Variants in IMMP2L observed in about 807,000 individuals in gnomAD.
IMMP2L encodes the protein inner mitochondrial membrane peptidase subunit 2.
In IMMP2L, 18 loss-of-function variants were observed where a neutral mutation model predicts 19.3. That is an observed-to-expected ratio of 0.93 (90% CI 0.64 to 1.38). The LOEUF is 1.38. Among genes scored for constraint, IMMP2L ranks in the 40% most tolerant of loss-of-function variants. The pLI, the probability that IMMP2L is intolerant of heterozygous loss-of-function variation, is 0.00. For synonymous variants in IMMP2L, 76 were observed against 73.0 expected (o/e 1.04, Z -0.21); for missense variants, 233 against 218.2 (o/e 1.07, Z -0.43).
Position 110,881,283 on chromosome 7 carries a change from T to C in IMMP2L, c.408+5310A>G, listed in dbSNP as rs144974996. ...AAGTGGCTTTGATCTTTTTATGAGA[T>C]GTATGCCTTTGTCTATACCAGTCAA... On this transcript the variant is annotated intron_variant, in intron 5 of 5. Coordinates refer to ENST00000405709, the MANE Select transcript of IMMP2L (RefSeq NM_032549.4). Among the ~76,000 whole-genome samples, 14 of 152,286 alleles carry C rather than the reference T, an allele frequency of 9.2e-5. No individual in the cohort carries two copies. In the East Asian group the frequency reaches 2.7e-3, roughly 29 times the overall value.
At chr7:110,815,427 C>CT (rs1237017620) in intron 5 of IMMP2L, among the ~76,000 whole-genome samples, 3 of 152,006 alleles carry the variant, frequency 2.0e-5, no homozygotes, top group Admixed American at 6.6e-5. Flanking sequence ...CTAAAATTCT[C>CT]TTTTTTGGTT....
chr7:111,448,633 A>G (rs1838783696), intron 3 of IMMP2L, among the ~76,000 whole-genome samples: 4 of 102,074 alleles, frequency 3.9e-5, no homozygotes, highest in African/African-American at 1.2e-4. Flanking sequence ...ACACCCTAAC[A>G]TCACAATTAA....
chr7:111,307,227 T>C (rs1822982666), intron 3 of IMMP2L, among the ~76,000 whole-genome samples: 2 of 151,764 alleles, frequency 1.3e-5, no homozygotes, highest in Non-Finnish European at 2.9e-5. Context: ...TTTTCTTATA[T>C]ATTTGCTCTA....
At chr7:111,238,203 CA>C (rs1562957737) in intron 3 of IMMP2L, among the ~76,000 whole-genome samples, 2 of 151,890 alleles carry the variant, frequency 1.3e-5, no homozygotes, top group Non-Finnish European at 2.9e-5. Context: ...AATCAGAAAA[CA>C]ATCCTGTACC....
At chr7:110,909,715 C>A (rs1585227355) in intron 4 of IMMP2L, among the ~76,000 whole-genome samples, 1 of 152,244 alleles carries the variant, frequency 6.6e-6, no homozygotes, top group East Asian at 1.9e-4. Context: ...TATCCAACAA[C>A]AACCGTCTCC....
At position 111,513,303 on chromosome 7, in the gene IMMP2L, C is replaced by T. The variant is rs183842593; in HGVS notation, c.135+8010G>A. ...CTTGATTTTAAAATAGGAAAAAGAC[C>T]TGTATAGAGAATTCTCAAGACATAC... On this transcript the variant is annotated intron_variant, in intron 2 of 5. Coordinates refer to ENST00000405709, the MANE Select transcript of IMMP2L (RefSeq NM_032549.4). Among the ~76,000 whole-genome samples the T allele has an allele frequency of 1.1e-4, 16 of 152,148 alleles. No individual in the cohort carries two copies. The East Asian group carries it at 2.9e-3, about 28-fold the overall frequency.
chr7:110,812,608 T>C (rs1802124188), intron 5 of IMMP2L, among the ~76,000 whole-genome samples: 1 of 151,986 alleles, frequency 6.6e-6, no homozygotes, highest in South Asian at 2.1e-4. Context: ...AGACTTGGAA[T>C]TAAGTTACAT....
chr7:111,502,274 C>G (rs919755281), intron 2 of IMMP2L, among the ~76,000 whole-genome samples: 2 of 152,116 alleles, frequency 1.3e-5, no homozygotes, highest in African/African-American at 4.8e-5. Context: ...AGCTAACTAT[C>G]CTAAATATAT....
intron 3 of IMMP2L, among the ~76,000 whole-genome samples, chr7:111,012,713 G>A (rs1308485802): frequency 6.6e-6 from 1 of 152,114 alleles, no homozygotes; most frequent in African/African-American, 2.4e-5. Context: ...TAGGATCACA[G>A]AACAGAAATT....
intron 5 of IMMP2L, among the ~76,000 whole-genome samples, chr7:110,732,179 G>T (rs910913065): frequency 2.0e-5 from 3 of 152,184 alleles, no homozygotes; most frequent in African/African-American, 7.2e-5. Context: ...GTAGTGGGTA[G>T]AGAGGGAGCT....
intron 3 of IMMP2L, among the ~76,000 whole-genome samples, chr7:111,379,718 T>C (rs1831017506): frequency 1.3e-5 from 2 of 151,838 alleles, no homozygotes; most frequent in Non-Finnish European, 2.9e-5. Flanking sequence ...ATTATCAAAC[T>C]CTAAATAACA....
intron 3 of IMMP2L, among the ~76,000 whole-genome samples, chr7:111,064,442 G>A (rs1042427723): frequency 2.6e-5 from 4 of 152,130 alleles, no homozygotes; most frequent in Non-Finnish European, 5.9e-5. Context: ...CAGGGCTGGG[G>A]AAAAGTTCTC....
chr7:110,797,295 G>A (rs1210855893), intron 5 of IMMP2L, among the ~76,000 whole-genome samples: 1 of 151,950 alleles, frequency 6.6e-6, no homozygotes. Flanking sequence ...CACCCCATTT[G>A]ACTCCTCATC....
At chr7:111,325,666 C>A (rs1257803499) in intron 3 of IMMP2L, among the ~76,000 whole-genome samples, 1 of 151,482 alleles carries the variant, frequency 6.6e-6, no homozygotes, top group Admixed American at 6.6e-5. Flanking sequence ...ACAAAAAAAT[C>A]CTTGAAGTGA....
chr7:111,412,925 A>G (rs1390553925), intron 3 of IMMP2L, among the ~76,000 whole-genome samples: 1 of 151,722 alleles, frequency 6.6e-6, no homozygotes, highest in East Asian at 1.9e-4. Context: ...ACAAGCAAAT[A>G]ATCGAAGAAA....
At chr7:110,682,375 T>C (rs991235633) in intron 5 of IMMP2L, among the ~76,000 whole-genome samples, 4 of 152,192 alleles carry the variant, frequency 2.6e-5, no homozygotes, top group African/African-American at 9.6e-5. Flanking sequence ...GTCTATTTAG[T>C]TCTTTCTCTC....
At chr7:110,873,734 A>G (rs1232830342) in intron 5 of IMMP2L, among the ~76,000 whole-genome samples, 5 of 151,362 alleles carry the variant, frequency 3.3e-5, no homozygotes, top group Admixed American at 6.6e-5. Flanking sequence ...AGATGGTGCC[A>G]TTGCACCCCA....
At chr7:111,464,743 A>C (rs1032724160) in intron 3 of IMMP2L, among the ~76,000 whole-genome samples, 2 of 152,064 alleles carry the variant, frequency 1.3e-5, no homozygotes, top group Non-Finnish European at 2.9e-5. Context: ...CCAACCAATC[A>C]AATGTATGCT....
At chr7:111,056,170 T>G (rs1334949781) in intron 3 of IMMP2L, among the ~76,000 whole-genome samples, 5 of 152,244 alleles carry the variant, frequency 3.3e-5, no homozygotes, top group African/African-American at 1.2e-4. Context: ...TTTAATAGAT[T>G]GTTATTAATG....
Sources: allele counts gnomAD v4.1 joint callset (sites outside exome capture counted in the v4.1 genomes callset), GRCh38; gene constraint gnomAD v4.1.1; transcripts MANE v1.5; gene names NCBI Gene and HGNC (gene_info 2026-07-23, HGNC 2026-07-21).